TET1: variants seen among roughly 807,000 people sequenced by gnomAD.
TET1 encodes methylcytosine dioxygenase TET1.
In TET1, 13 loss-of-function variants were observed where a neutral mutation model predicts 148.7. That is an observed-to-expected ratio of 0.09 (90% CI 0.06 to 0.14). The LOEUF is 0.14. Ranked by LOEUF, TET1 falls within the 10% of genes least tolerant of loss-of-function variation. The pLI is 1.00. For missense variants in TET1, 2,182 were observed against 2,553.8 expected, an observed-to-expected ratio of 0.85 and a Z score of 3.14; for synonymous variants, 907 against 937.2, an observed-to-expected ratio of 0.97 and a Z score of 0.59.
Position 68,645,854 on chromosome 10 carries a change from A to G in TET1, c.3125A>G (p.Asn1042Ser), listed in dbSNP as rs917112269. The G allele has an allele frequency of 6.8e-6, 11 of 1,614,088 alleles. No individual in the cohort carries two copies. The highest frequency in any genetic ancestry group is 9.3e-6 in the Non-Finnish European group (11 of 1,180,048). Residue 1042 changes from asparagine to serine, a missense_variant, in exon 4 of 12, where the codon AAT becomes AGT. This residue lies in a region of TET1 where 582 missense variants were observed against 599.5 expected (regional missense o/e 0.97). Coordinates refer to ENST00000373644, the MANE Select transcript of TET1 (RefSeq NM_030625.3). The stretch of plus-strand genomic sequence containing the variant: ...GATTTGCATCAGTTGCCACCAAGAA[A>G]TAATGAAGTGGAGTATTGCAACCAG... ...SNDLHQLPPRNNEVEYCNQLL... is the reference protein window; with the variant it reads ...SNDLHQLPPRSNEVEYCNQLL...
intron 3 of TET1, among the ~76,000 whole-genome samples, chr10:68,643,397 A>T (rs541078591): frequency 9.9e-5 from 15 of 152,208 alleles, no homozygotes; most frequent in Admixed American, 3.3e-4. Flanking sequence ...TAATCAGTGA[A>T]CTTACTATAC....
At chr10:68,637,147 T>C (rs921179542) in intron 3 of TET1, among the ~76,000 whole-genome samples, 1 of 151,922 alleles carries the variant, frequency 6.6e-6, no homozygotes, top group Non-Finnish European at 1.5e-5. Flanking sequence ...TACAGGCACG[T>C]GCCACCATGT....
At position 68,653,817 on chromosome 10, in the gene TET1, G is replaced by T. The variant is rs144072504; in HGVS notation, c.4461+1223G>T. On this transcript the variant is annotated intron_variant, in intron 6 of 11. Transcript: ENST00000373644. ...TTTCCAGGGTTTTCCCATTAAGTGT[G>T]GGTTGTCGGCCCAGCACGGTGGCTC... Among the ~76,000 whole-genome samples the T allele has an allele frequency of 2.8e-3, 429 of 152,176 alleles. 1 individual carries two copies. Among genetic ancestry groups the T allele is most frequent in the African/African-American group, 0.01 (416 of 41,514 alleles).
chr10:68,659,086 G>T (rs545324220), intron 6 of TET1, among the ~76,000 whole-genome samples: 2 of 152,172 alleles, frequency 1.3e-5, no homozygotes, highest in South Asian at 2.1e-4. Flanking sequence ...AATTAGCCGG[G>T]CGTGGTGGCA....
At chr10:68,670,338 T>C (rs2055256025) in intron 7 of TET1, among the ~76,000 whole-genome samples, 1 of 152,240 alleles carries the variant, frequency 6.6e-6, no homozygotes, top group Admixed American at 6.5e-5. Flanking sequence ...GACATTGAAA[T>C]TTTTGAAGCG....
chr10:68,683,129 G>A (rs1168623548), intron 10 of TET1, among the ~76,000 whole-genome samples, 156 bp downstream of exon 10: 1 of 152,122 alleles, frequency 6.6e-6, no homozygotes, highest in Admixed American at 6.5e-5. Flanking sequence ...AGAAATAAGT[G>A]TGTAGTGCAG....
At chr10:68,682,243 C>G (rs2055446640) in intron 9 of TET1, among the ~76,000 whole-genome samples, 1 of 151,646 alleles carries the variant, frequency 6.6e-6, no homozygotes, top group Non-Finnish European at 1.5e-5. Flanking sequence ...TCCCGAGTAG[C>G]TGGGACTACA....
chr10:68,581,147 G>A (rs2053792808), intron 2 of TET1, among the ~76,000 whole-genome samples: 1 of 152,118 alleles, frequency 6.6e-6, no homozygotes, highest in Non-Finnish European at 1.5e-5. Context: ...TTACATTGTA[G>A]TCTCCCATTC....
chr10:68,572,417 C>G lies in TET1; in HGVS notation c.79C>G (p.Leu27Val). Residue 27 changes from leucine (L) to valine (V), a missense_variant, in exon 2 of 12, where the codon CTA (leucine) becomes GTA (valine). Coordinates refer to ENST00000373644, the MANE Select transcript of TET1 (RefSeq NM_030625.3). ...AAACAAAAAAAAGAAAAACAGCCAA[C>G]TACGAAAGACAACCAAGGGAGCCAA... ...DVNKKKKNSQ[L>V]RKTTKGANKN... is the part of the protein sequence containing the mutation. 8 of 1,613,530 alleles carry G rather than the reference C, an allele frequency of 5.0e-6. No homozygotes were observed. Among genetic ancestry groups the G allele is most frequent in the Non-Finnish European group, 5.9e-6 (7 of 1,179,904 alleles).
intron 2 of TET1, among the ~76,000 whole-genome samples, chr10:68,583,445 C>T (rs1327965217): frequency 6.6e-6 from 1 of 152,140 alleles, no homozygotes; most frequent in Admixed American, 6.6e-5. Context: ...CAATGAGACC[C>T]AGTGCTCAAG....
chr10:68,637,418 C>T (rs1056061672), intron 3 of TET1, among the ~76,000 whole-genome samples: 15 of 151,726 alleles, frequency 9.9e-5, no homozygotes, highest in Non-Finnish European at 1.9e-4. Context: ...AACTGTTGTA[C>T]AGGTCTTCTT....
At chr10:68,608,888 C>T (rs2054165738) in intron 3 of TET1, among the ~76,000 whole-genome samples, 1 of 152,074 alleles carries the variant, frequency 6.6e-6, no homozygotes, top group Non-Finnish European at 1.5e-5. Context: ...AGAGGGGTCT[C>T]AAATGTTGCC....
At chr10:68,647,933 C>A (rs2054876768) in intron 4 of TET1, among the ~76,000 whole-genome samples, 1 of 152,152 alleles carries the variant, frequency 6.6e-6, no homozygotes, top group Non-Finnish European at 1.5e-5. Flanking sequence ...TATTTCTCTG[C>A]AATACAAAGT....
At chr10:68,567,369 A>G (rs1323358580) in intron 1 of TET1, among the ~76,000 whole-genome samples, 1 of 152,120 alleles carries the variant, frequency 6.6e-6, no homozygotes, top group Non-Finnish European at 1.5e-5. Flanking sequence ...AGTAATTTTT[A>G]AACAGATTGA....
At chr10:68,565,444 C>T (rs894788422) in intron 1 of TET1, among the ~76,000 whole-genome samples, 4 of 131,534 alleles carry the variant, frequency 3.0e-5, no homozygotes, top group South Asian at 2.4e-4. Context: ...TATACCTGAG[C>T]GACAGAGCAA....
rs1459993121 is a variant in TET1 at position 68,586,862 on chromosome 10, A to G, written c.1914+12610A>G. ...TCTTGCAGTGTGTCTGCTATACAACAGATGCTTAAAAGTGGTGGGTATTGT... is the reference window on the plus strand; with the variant it reads ...TCTTGCAGTGTGTCTGCTATACAACGGATGCTTAAAAGTGGTGGGTATTGT... On this transcript the variant is annotated intron_variant, in intron 2 of 11. Coordinates refer to ENST00000373644, the MANE Select transcript of TET1 (RefSeq NM_030625.3). Among the ~76,000 whole-genome samples, 3 of 152,198 alleles carry G rather than the reference A, an allele frequency of 2.0e-5. No homozygotes were observed. In the East Asian group the frequency reaches 5.8e-4, roughly 29 times the overall value.
At position 68,570,778 on chromosome 10, in the gene TET1, C is replaced by T. The variant is rs190034539; in HGVS notation, c.-122-1439C>T. Among the ~76,000 whole-genome samples, 296 of 148,478 alleles carry T rather than the reference C, an allele frequency of 2.0e-3. 2 individuals are homozygous for T. The highest frequency in any genetic ancestry group is 6.9e-3 in the African/African-American group (276 of 40,258). ...CTGAGTAGCTGGGACTACGGGCACC[C>T]GCCGCCACGCCCAGCTCATTTTTTT... On this transcript the variant is annotated intron_variant, in intron 1 of 11. Transcript: ENST00000373644.
chr10:68,686,323 A>G, intron 10 of TET1, 33 bp from the exon 11 acceptor site: 1 of 1,538,956 alleles, frequency 6.5e-7, no homozygotes, highest in Non-Finnish European at 8.8e-7. Context: ...CGACCCGTAT[A>G]TCTTTCCCAT....
chr10:68,653,875 G>A (rs1447841790), intron 6 of TET1, among the ~76,000 whole-genome samples: 1 of 152,084 alleles, frequency 6.6e-6, no homozygotes, highest in Non-Finnish European at 1.5e-5. Context: ...GGGAGGCCGA[G>A]GTGGGCAGAT....
Sources: gnomAD v4.1 joint callset for allele counts (sites outside exome capture counted in the v4.1 genomes callset) on GRCh38, gnomAD v4.1.1 for gene constraint, gnomAD v4.1.1 regional missense constraint, MANE v1.5 for transcripts, NCBI Gene and HGNC (gene_info 2026-07-23, HGNC 2026-07-21) for gene names.